The following TBK1 variants were observed in gnomAD, a reference collection of about 807,000 sequenced individuals.
TBK1 encodes TANK binding kinase 1, also known as serine/threonine-protein kinase TBK1.
In TBK1, 37 loss-of-function variants were observed where a neutral mutation model predicts 99.9. The observed-to-expected ratio is 0.37, with a 90% confidence interval of 0.28 to 0.49. TBK1 has a LOEUF of 0.49. Ranked by LOEUF, TBK1 falls within the 20% of genes least tolerant of loss-of-function variation. TBK1 has a pLI of 0.98. For missense variants in TBK1, 644 were observed against 872.5 expected, an observed-to-expected ratio of 0.74 and a Z score of 3.30; for synonymous variants, 258 against 279.8, an observed-to-expected ratio of 0.92 and a Z score of 0.78.
At chr12:64,453,067 A>G (rs2040445297) in intron 1 of TBK1, among the ~76,000 whole-genome samples, 1 of 152,224 alleles carries the variant, frequency 6.6e-6, no homozygotes, top group Non-Finnish European at 1.5e-5. Flanking sequence ...CATCATCAGC[A>G]ACATAGTTGT....
chr12:64,464,870 A>C (rs1453197600), intron 4 of TBK1, among the ~76,000 whole-genome samples: 1 of 152,168 alleles, frequency 6.6e-6, no homozygotes, highest in Non-Finnish European at 1.5e-5. Flanking sequence ...TTAATAACCG[A>C]CATCATTGGT....
chr12:64,490,848 G>A (rs113410983), intron 13 of TBK1, among the ~76,000 whole-genome samples: 18 of 151,366 alleles, frequency 1.2e-4, no homozygotes, highest in African/African-American at 4.1e-4. Context: ...CTTGAACCCA[G>A]GAAGCGGAGG....
chr12:64,498,074 G>A lies in TBK1; in HGVS notation c.2138+35G>A, dbSNP rs41292025. 9.1e-6 allele frequency: 14 copies of A among 1,531,564 alleles called. No individual in the cohort carries two copies. In the South Asian group the frequency reaches 1.5e-4, roughly 16 times the overall value. 94.9% of individuals were successfully genotyped at this position (1,531,564 alleles called of 1,614,324 possible). A position where few individuals can be genotyped will look rare whatever the true frequency, so the allele number is the denominator to read the frequency against. ...GCAAAAATAATTACTGTGATTTTCT[G>A]TGCAATTGAGTTCATTCACATCTGT... On this transcript the variant is annotated intron_variant, in intron 20 of 20. Coordinates refer to ENST00000331710, the MANE Select transcript of TBK1 (RefSeq NM_013254.4).
At chr12:64,481,384 G>T (rs572804757) in intron 7 of TBK1, among the ~76,000 whole-genome samples, 1 of 152,268 alleles carries the variant, frequency 6.6e-6, no homozygotes, top group African/African-American at 2.4e-5. Flanking sequence ...TTAGATGCCA[G>T]AAAGTATATT....
intron 12 of TBK1, among the ~76,000 whole-genome samples, chr12:64,489,313 G>A (rs1233365913): frequency 2.0e-5 from 3 of 152,188 alleles, no homozygotes; most frequent in East Asian, 1.9e-4. Flanking sequence ...CTGAGAACAC[G>A]TTTTGAAACA....
intron 5 of TBK1, among the ~76,000 whole-genome samples, chr12:64,468,638 C>G (rs760025101): frequency 2.0e-5 from 3 of 152,040 alleles, no homozygotes; most frequent in Non-Finnish European, 4.4e-5. Flanking sequence ...TCTTATGGAG[C>G]CCACGTTCTG....
intron 9 of TBK1, 135 bp from the exon 10 acceptor site, chr12:64,485,320 G>T: frequency 2.1e-6 from 1 of 468,514 alleles, no homozygotes; most frequent in East Asian, 3.4e-5. Flanking sequence ...TTGAAGTGGT[G>T]TTTTTTTAAT....
intron 5 of TBK1, among the ~76,000 whole-genome samples, chr12:64,470,209 A>G (rs2040648113): frequency 1.3e-5 from 2 of 152,172 alleles, no homozygotes; most frequent in African/African-American, 4.8e-5. Flanking sequence ...CCTTGTTATA[A>G]TAAATATTTT....
chr12:64,469,439 C>A (rs2040639759), intron 5 of TBK1, among the ~76,000 whole-genome samples: 1 of 152,122 alleles, frequency 6.6e-6, no homozygotes, highest in Admixed American at 6.6e-5. Context: ...CTTCCTGGGC[C>A]TCAACATGTG....
At chr12:64,483,980 C>T (rs1161771988) in intron 8 of TBK1, 1 of 161,748 alleles carries the variant, frequency 6.2e-6, no homozygotes. Flanking sequence ...GCACTCCATC[C>T]TGGGCAACAG....
At chr12:64,476,037 A>AT (rs545337804) in intron 6 of TBK1, among the ~76,000 whole-genome samples, 1 of 137,412 alleles carries the variant, frequency 7.3e-6, no homozygotes, top group South Asian at 2.3e-4. Flanking sequence ...ACTTTTTTTT[A>AT]TTTTTTTATA....
chr12:64,476,022 C>T (rs2040708350), intron 6 of TBK1, among the ~76,000 whole-genome samples: 1 of 151,898 alleles, frequency 6.6e-6, no homozygotes, highest in Admixed American at 6.6e-5. Flanking sequence ...TCACCAGCAT[C>T]TGTTACTTTT....
At chr12:64,499,084 C>A (rs1365690666) in intron 20 of TBK1, among the ~76,000 whole-genome samples, 2 of 113,490 alleles carry the variant, frequency 1.8e-5, no homozygotes, top group African/African-American at 3.4e-5. Context: ...TTCGCTGTTG[C>A]CCAGGCTGGA....
chr12:64,495,463 G>T lies in TBK1; in HGVS notation c.1522-20G>T. The T allele has an allele frequency of 1.2e-6, 2 of 1,611,784 alleles. No individual in the cohort carries two copies. Among genetic ancestry groups the T allele is most frequent in the South Asian group, 1.1e-5 (1 of 90,558 alleles). On this transcript the variant is annotated intron_variant, in intron 13 of 20. Coordinates refer to ENST00000331710, the MANE Select transcript of TBK1 (RefSeq NM_013254.4). ...TTCTGGCTTTTGGCAATCTGGATCT[G>T]AACCTTTGGTTTTATTTAGCTTTCC...
At chr12:64,452,489 A>C (rs2040437842) in intron 1 of TBK1, 1 of 152,258 alleles carries the variant, frequency 6.6e-6, no homozygotes, top group Non-Finnish European at 1.5e-5. Context: ...CTCGACCTGC[A>C]TCCCGTCCGG....
rs1163378158 is a variant in TBK1, at chr12:64,483,104, C to T, written c.992+1083C>T. Reference sequence around the variant, plus strand: ...TAAAAAGCTCACCCAGTGTGATTATCGTTAATAATAACTTAATTGTACATT... The same window carrying T: ...TAAAAAGCTCACCCAGTGTGATTATTGTTAATAATAACTTAATTGTACATT... On this transcript the variant is annotated intron_variant, in intron 8 of 20. Coordinates refer to ENST00000331710, the MANE Select transcript of TBK1 (RefSeq NM_013254.4). Among the ~76,000 whole-genome samples the T allele has an allele frequency of 3.3e-5, 5 of 152,064 alleles. No individual in the cohort carries two copies. The East Asian group carries it at 7.7e-4, about 23-fold the overall frequency.
At chr12:64,490,170 G>C (rs2040855957) in intron 13 of TBK1, 51 bp downstream of exon 13, 1 of 1,327,390 alleles carries the variant, frequency 7.5e-7, no homozygotes, top group African/African-American at 1.5e-5. Context: ...CTATTCCTTT[G>C]CTGGCACTAT....
intron 2 of TBK1, 108 bp from the exon 3 acceptor site, chr12:64,460,081 C>A: frequency 1.5e-6 from 1 of 676,848 alleles, no homozygotes; most frequent in Non-Finnish European, 2.2e-6. Context: ...CTAAAAGATG[C>A]ATGATGTTCT....
intron 5 of TBK1, among the ~76,000 whole-genome samples, chr12:64,469,520 T>C (rs574123466): frequency 2.0e-5 from 3 of 152,350 alleles, no homozygotes; most frequent in East Asian, 3.9e-4. Context: ...GGCTAGACCA[T>C]GCTTTCTGCT....
Sources: gnomAD v4.1 joint callset for allele counts (sites outside exome capture counted in the v4.1 genomes callset) on GRCh38, gnomAD v4.1.1 for gene constraint, MANE v1.5 for transcripts, NCBI Gene and HGNC (gene_info 2026-07-23, HGNC 2026-07-21) for gene names.